Variants in RASSF2 observed in about 807,000 individuals in gnomAD.
The protein encoded by RASSF2 is ras association domain-containing protein 2.
A neutral mutation model predicts 46.3 loss-of-function variants in RASSF2; 34 were observed. The ratio of observed to expected loss-of-function variants is 0.73; its 90% CI spans 0.56 to 0.98. The LOEUF (loss-of-function observed/expected upper bound fraction) is 0.98. Ranked by LOEUF, RASSF2 falls within the 50% of genes least tolerant of loss-of-function variation. The pLI is 0.00. For missense variants in RASSF2, 364 were observed against 431.2 expected, an observed-to-expected ratio of 0.84 and a Z score of 1.38; for synonymous variants, 158 against 162.5, an observed-to-expected ratio of 0.97 and a Z score of 0.21.
At chr20:4,792,707 C>G in intron 5 of RASSF2, 80 bp from the exon 6 acceptor site, 1 of 1,524,598 alleles carries the variant, frequency 6.6e-7, no homozygotes. Context: ...CGCTGGACCC[C>G]ACTCCTGAAA....
intron 11 of RASSF2, among the ~76,000 whole-genome samples, chr20:4,785,817 T>C (rs1371075586): frequency 3.9e-5 from 6 of 152,058 alleles, no homozygotes; most frequent in Non-Finnish European, 7.4e-5. Context: ...TCGCAAATAG[T>C]CCCTTCTTCA....
At chr20:4,793,031 T>C (rs1351050412) in intron 5 of RASSF2, 3 of 188,434 alleles carry the variant, frequency 1.6e-5, no homozygotes, top group African/African-American at 7.1e-5. Context: ...TTTTGCAGGG[T>C]AAGATTCCAG....
At chr20:4,810,405 A>G (rs1408144215) in intron 2 of RASSF2, among the ~76,000 whole-genome samples, 3 of 152,192 alleles carry the variant, frequency 2.0e-5, no homozygotes, top group Non-Finnish European at 4.4e-5. Context: ...GAGGAGGGAA[A>G]GGCGTCTGGA....
chr20:4,786,227 T>G lies in RASSF2; in HGVS notation c.911+4A>C. 1.2e-6 allele frequency: 2 copies of G among 1,603,080 alleles called. No homozygotes were observed. The highest frequency in any genetic ancestry group is 1.7e-6 in the Non-Finnish European group (2 of 1,169,988). On this transcript the variant is annotated splice_donor_region_variant and intron_variant, in intron 11 of 11. Transcript: ENST00000379400. ...GCACCCAGTGCCCCAGAAGCCACACTTACTTGCGCATCAGCTTCTTTACTT... is the reference window on the plus strand; with the variant it reads ...GCACCCAGTGCCCCAGAAGCCACACGTACTTGCGCATCAGCTTCTTTACTT...
At chr20:4,821,664 A>G (rs1928696488) in intron 2 of RASSF2, among the ~76,000 whole-genome samples, 1 of 152,152 alleles carries the variant, frequency 6.6e-6, no homozygotes. Context: ...CCTCCCCAGC[A>G]CAGGGAACCC....
Position 4,790,514 on chromosome 20 carries a change from A to T in RASSF2, c.474T>A (p.Pro158=). Residue 158 remains proline, a synonymous_variant, in exon 7 of 12, where the codon CCT becomes CCA. Coordinates refer to ENST00000379400, the MANE Select transcript of RASSF2 (RefSeq NM_014737.3). This position sits in a 1 kb window ranked among gnomAD's most constrained non-coding sequence, Gnocchi z 4.3. ...GVRRRGNVRT[P]SDQRRIRRHR... is the part of the protein sequence containing the mutation. ...GGCGTCTGATTCGCCGCTGGTCACTAGGCGTCCTCACATTGCCACGGCGAC... is the reference window on the plus strand; with the variant it reads ...GGCGTCTGATTCGCCGCTGGTCACTTGGCGTCCTCACATTGCCACGGCGAC... The T allele has an allele frequency of 1.3e-6, 2 of 1,532,688 alleles. No homozygotes were observed. Among genetic ancestry groups the T allele is most frequent in the Admixed American group, 2.3e-5 (1 of 43,456 alleles). 94.9% of individuals were successfully genotyped at this position (1,532,688 alleles called of 1,614,324 possible).
At chr20:4,789,066 T>C (rs1353925359) in intron 8 of RASSF2, among the ~76,000 whole-genome samples, 1 of 152,160 alleles carries the variant, frequency 6.6e-6, no homozygotes, top group Non-Finnish European at 1.5e-5. Context: ...ACACCTGGTC[T>C]CCAAAAGATC....
At chr20:4,809,872 G>A (rs1159933423) in intron 2 of RASSF2, among the ~76,000 whole-genome samples, 1 of 152,182 alleles carries the variant, frequency 6.6e-6, no homozygotes, top group East Asian at 1.9e-4. Flanking sequence ...GTTGTCCTAC[G>A]TGGAGGTGGG....
chr20:4,809,797 C>T (rs2423023), intron 2 of RASSF2, among the ~76,000 whole-genome samples: 1 of 151,868 alleles, frequency 6.6e-6, no homozygotes, highest in East Asian at 1.9e-4. Context: ...GAATGAGGTG[C>T]GTTCAGCTGG....
At chr20:4,805,485 G>A (rs1175541292) in intron 2 of RASSF2, among the ~76,000 whole-genome samples, 1 of 152,164 alleles carries the variant, frequency 6.6e-6, no homozygotes, top group East Asian at 1.9e-4. Context: ...TTTTGGCCCA[G>A]AGAAACTGAC....
At chr20:4,796,095 G>A (rs1926330759) in intron 4 of RASSF2, 129 bp from the exon 5 acceptor site, 2 of 975,596 alleles carry the variant, frequency 2.1e-6, no homozygotes, top group Admixed American at 7.4e-5. Flanking sequence ...TCACAGGATA[G>A]GGGCAGCTGC....
chr20:4,805,440 C>A (rs1384722997), intron 2 of RASSF2, among the ~76,000 whole-genome samples: 3 of 152,078 alleles, frequency 2.0e-5, no homozygotes, highest in Non-Finnish European at 4.4e-5. Context: ...TGCCTCAGAG[C>A]CCCTGGTGCG....
chr20:4,784,386 C>T (rs757737779), intron 11 of RASSF2, 44 bp from the exon 12 acceptor site: 3 of 1,584,342 alleles, frequency 1.9e-6, no homozygotes, highest in Admixed American at 1.7e-5. Context: ...GCCAGCAACA[C>T]ACCCCTGCCC....
intron 4 of RASSF2, among the ~76,000 whole-genome samples, chr20:4,796,691 A>G (rs1435905522): frequency 6.6e-6 from 1 of 152,262 alleles, no homozygotes; most frequent in Admixed American, 6.5e-5. Context: ...AGGCATTTAT[A>G]TGTTCTATCC....
intron 11 of RASSF2, 88 bp from the exon 12 acceptor site, chr20:4,784,430 T>TCA (rs1925108226): frequency 4.0e-6 from 5 of 1,257,846 alleles, no homozygotes; most frequent in African/African-American, 3.0e-5. Flanking sequence ...AACACCAAGG[T>TCA]CACACCAGGT....
intron 2 of RASSF2, among the ~76,000 whole-genome samples, chr20:4,802,866 A>C (rs1408093675): frequency 4.7e-5 from 7 of 148,688 alleles, no homozygotes; most frequent in African/African-American, 1.7e-4. Flanking sequence ...ATACATATAC[A>C]CGTGTATGTG....
At chr20:4,818,633 C>T (rs1004945697) in intron 2 of RASSF2, among the ~76,000 whole-genome samples, 1 of 152,166 alleles carries the variant, frequency 6.6e-6, no homozygotes, top group African/African-American at 2.4e-5. Context: ...AGGGCTTCCC[C>T]CAAAGCCCCT....
intron 7 of RASSF2, 114 bp from the exon 8 acceptor site, chr20:4,789,811 G>A: frequency 2.4e-6 from 2 of 831,656 alleles, no homozygotes; most frequent in Non-Finnish European, 1.9e-6. Context: ...CTCCCTGGGA[G>A]CCCCCGGCAG....
In RASSF2 at chr20:4,786,327, A is replaced by T; in HGVS notation, c.815T>A (p.Val272Glu). 1 of 1,598,626 alleles carries T rather than the reference A, an allele frequency of 6.3e-7. No homozygotes were observed. The highest frequency in any genetic ancestry group is 2.2e-5 in the East Asian group (1 of 44,818). Residue 272 changes from valine (V) to glutamate (E), a missense_variant and splice_region_variant, in exon 11 of 12, where the codon GTG becomes GAG. Val to Glu is a moderately radical substitution (Grantham distance 121). Coordinates refer to ENST00000379400, the MANE Select transcript of RASSF2 (RefSeq NM_014737.3). ...CATCTCGAACTTTATATACTGGGCC[A>T]CCTAGAGAGAAAGAAGCAAGTCTGG... ...KDQVEEVTYD[V>E]AQYIKFEMPV... is the part of the protein sequence containing the mutation.
Sources: allele counts gnomAD v4.1 joint callset (sites outside exome capture counted in the v4.1 genomes callset), GRCh38; gene constraint gnomAD v4.1.1; non-coding constraint Gnocchi (gnomAD v3.1); transcripts MANE v1.5; gene names NCBI Gene and HGNC (gene_info 2026-07-23, HGNC 2026-07-21).